Variants in CDC40 observed in about 807,000 individuals in gnomAD.
CDC40 encodes cell division cycle 40, also known as pre-mRNA-processing factor 17.
A neutral mutation model predicts 80.6 loss-of-function variants in CDC40; 27 were observed. The ratio of observed to expected loss-of-function variants is 0.33; its 90% confidence interval spans 0.25 to 0.46. CDC40 has a LOEUF of 0.46. CDC40 is among the 20% of genes least tolerant of loss of function. The pLI is 1.00. For synonymous variants in CDC40, 221 were observed against 232.6 expected, an observed-to-expected ratio of 0.95 and a Z score of 0.45; for missense variants, 486 against 694.1, an observed-to-expected ratio of 0.70 and a Z score of 3.37.
chr6:110,221,266 T>A (rs1777772548), intron 12 of CDC40, among the ~76,000 whole-genome samples: 3 of 152,204 alleles, frequency 2.0e-5, no homozygotes, highest in Non-Finnish European at 4.4e-5. Flanking sequence ...TGTCTTTCCA[T>A]CCCCAGAAGC....
intron 2 of CDC40, among the ~76,000 whole-genome samples, chr6:110,193,478 C>A (rs1253713631): frequency 2.0e-5 from 3 of 151,980 alleles, no homozygotes; most frequent in Non-Finnish European, 4.4e-5. Flanking sequence ...AATCTCGGCT[C>A]ACTGCAAGCT....
chr6:110,196,718 C>T (rs1777423174), intron 2 of CDC40, among the ~76,000 whole-genome samples: 1 of 151,946 alleles, frequency 6.6e-6, no homozygotes, highest in South Asian at 2.1e-4. Flanking sequence ...GAAACTGAGA[C>T]CAAAGATCAT....
chr6:110,202,407 A>T (rs1777504945), intron 3 of CDC40, among the ~76,000 whole-genome samples: 1 of 152,198 alleles, frequency 6.6e-6, no homozygotes, highest in South Asian at 2.1e-4. Flanking sequence ...GTCCCATGTA[A>T]ATCTAAAGTA....
At chr6:110,214,541 C>G (rs575718529) in intron 8 of CDC40, among the ~76,000 whole-genome samples, 1 of 152,216 alleles carries the variant, frequency 6.6e-6, no homozygotes, top group Admixed American at 6.5e-5. Context: ...CTTGCTGGAG[C>G]ATAACATCTA....
intron 3 of CDC40, among the ~76,000 whole-genome samples, chr6:110,207,024 T>C (rs943855163): frequency 6.6e-6 from 1 of 152,062 alleles, no homozygotes; most frequent in Non-Finnish European, 1.5e-5. Flanking sequence ...AATAGAAATA[T>C]AGCTCAGGGG....
At chr6:110,229,848 A>ATT in intron 14 of CDC40, 106 bp from the exon 15 acceptor site, 5 of 578,856 alleles carry the variant, frequency 8.6e-6, no homozygotes, top group Non-Finnish European at 1.5e-5. Flanking sequence ...TTTGCATTGG[A>ATT]TTTTTTTTTT....
chr6:110,229,937 C>T lies in CDC40; in HGVS notation c.1563-17C>T, dbSNP rs1777914422. ...AGGTATTTTAATAATTTGAATTTAT[C>T]TTTCTTCCCATTATAGTTATGTGAT... On this transcript the variant is annotated splice_polypyrimidine_tract_variant and intron_variant, in intron 14 of 14. Transcript: ENST00000307731. 1 of 1,540,594 alleles carries T rather than the reference C, an allele frequency of 6.5e-7. No individual in the cohort carries two copies. The highest frequency in any genetic ancestry group is 1.4e-5 in the African/African-American group (1 of 73,028).
rs371715554 is a variant in CDC40 at position 110,213,208 on chromosome 6, T to A, written c.942+48T>A. 52 of 1,153,642 alleles carry A rather than the reference T, an allele frequency of 4.5e-5. No individual in the cohort carries two copies. The African/African-American group carries it at 7.6e-4, about 17-fold the overall frequency. The allele number at this position is 1,153,642 out of a possible 1,614,324, so 71.5% of individuals were successfully genotyped here. A position where few individuals can be genotyped will look rare whatever the true frequency, so the allele number is the denominator to read the frequency against. On this transcript the variant is annotated intron_variant, in intron 8 of 14. Coordinates refer to ENST00000307731, the MANE Select transcript of CDC40 (RefSeq NM_015891.3). ...GGAGTGCTGCAAAGCTAGTTCTTTG[T>A]TTAAATCTGTTTGATTAATTATAAA...
intron 2 of CDC40, among the ~76,000 whole-genome samples, chr6:110,198,673 A>C (rs899289793): frequency 6.6e-6 from 1 of 152,366 alleles, no homozygotes; most frequent in Non-Finnish European, 1.5e-5. Flanking sequence ...GATTGCAATT[A>C]TAATTTACTA....
chr6:110,183,733 C>G (rs1318238831), intron 1 of CDC40, among the ~76,000 whole-genome samples: 2 of 152,210 alleles, frequency 1.3e-5, no homozygotes, highest in Non-Finnish European at 2.9e-5. Context: ...TGATTAATAG[C>G]AAGCATTTTG....
chr6:110,215,069 G>A (rs150477266), intron 8 of CDC40, among the ~76,000 whole-genome samples: 1,594 of 152,164 alleles, frequency 0.01, 34 homozygotes, highest in African/African-American at 0.036. Context: ...AGTTTTGAGC[G>A]TGTGTGACTC....
chr6:110,200,024 A>AT (rs959307537), intron 2 of CDC40, among the ~76,000 whole-genome samples: 6 of 152,090 alleles, frequency 3.9e-5, no homozygotes, highest in Middle Eastern at 3.2e-3. Context: ...AGCAATCTAG[A>AT]TTTTTTTCCC....
chr6:110,222,277 A>G (rs886327549), intron 12 of CDC40, among the ~76,000 whole-genome samples: 3 of 150,768 alleles, frequency 2.0e-5, no homozygotes, highest in African/African-American at 7.3e-5. Context: ...AAAAATTAAA[A>G]GCTGGGCACA....
At chr6:110,191,698 A>G (rs1777351151) in intron 1 of CDC40, among the ~76,000 whole-genome samples, 2 of 152,308 alleles carry the variant, frequency 1.3e-5, no homozygotes, top group Admixed American at 1.3e-4. Flanking sequence ...GGCCTATTCT[A>G]GGAATAGCAA....
chr6:110,214,392 G>A (rs917528443), intron 8 of CDC40, among the ~76,000 whole-genome samples: 4 of 152,134 alleles, frequency 2.6e-5, no homozygotes, highest in Admixed American at 1.3e-4. Context: ...ATAGAGGCAA[G>A]CACAAGATAT....
intron 3 of CDC40, among the ~76,000 whole-genome samples, chr6:110,203,631 T>A (rs1193754953): frequency 6.6e-6 from 1 of 152,248 alleles, no homozygotes; most frequent in Non-Finnish European, 1.5e-5. Context: ...GTGAATTATT[T>A]CTGGAAGATT....
In CDC40 at chr6:110,194,238, A is replaced by G. The variant is rs1018666428; in HGVS notation, c.276+970A>G. On this transcript the variant is annotated intron_variant, in intron 2 of 14. Transcript: ENST00000307731. ...GAAATAGAGATGCCAGAAAATGGTA[A>G]TTATAAAACCAAGAAATACAGCTTC... Among the ~76,000 whole-genome samples, 37 of 152,232 alleles carry G rather than the reference A, an allele frequency of 2.4e-4. 1 individual carries two copies. Among genetic ancestry groups the G allele is most frequent in the African/African-American group, 8.9e-4 (37 of 41,466 alleles).
At chr6:110,211,501 A>G (rs1333936141) in intron 6 of CDC40, 1 of 152,214 alleles carries the variant, frequency 6.6e-6, no homozygotes, top group Non-Finnish European at 1.5e-5. Context: ...CAAGGAGTCT[A>G]TTTAGTACTA....
chr6:110,227,767 G>C (rs1004641363), intron 13 of CDC40, among the ~76,000 whole-genome samples: 14 of 152,266 alleles, frequency 9.2e-5, no homozygotes, highest in African/African-American at 3.4e-4. Context: ...ATAAGTAATC[G>C]AGAGGTGATT....
Sources: gnomAD v4.1 joint callset for allele counts (sites outside exome capture counted in the v4.1 genomes callset) on GRCh38, gnomAD v4.1.1 for gene constraint, MANE v1.5 for transcripts, NCBI Gene and HGNC (gene_info 2026-07-23, HGNC 2026-07-21) for gene names.